The following KIAA1217 variants were observed in gnomAD, a reference collection of about 807,000 sequenced individuals.
KIAA1217 encodes the protein KIAA1217.
Under a neutral mutation model 163.9 loss-of-function variants are expected in KIAA1217, and 88 were observed. The observed-to-expected ratio is 0.54, with a 90% confidence interval of 0.45 to 0.64. The LOEUF (loss-of-function observed/expected upper bound fraction) is 0.64, where lower values mean the gene tolerates loss of function less well. Ranked by LOEUF, KIAA1217 falls within the 30% of genes least tolerant of loss-of-function variation. KIAA1217 has a pLI of 0.00. For missense variants in KIAA1217, 2,372 were observed against 2,475.0 expected (o/e 0.96, Z 0.88); for synonymous variants, 903 against 923.1 (o/e 0.98, Z 0.39).
At chr10:24,159,940 T>C (rs1385564162) in intron 2 of KIAA1217, among the ~76,000 whole-genome samples, 1 of 152,242 alleles carries the variant, frequency 6.6e-6, no homozygotes, top group Non-Finnish European at 1.5e-5. Flanking sequence ...CTAATTGTTC[T>C]AGAACCACTT....
intron 2 of KIAA1217, among the ~76,000 whole-genome samples, chr10:24,009,720 T>C (rs1226131376): frequency 6.6e-6 from 1 of 152,134 alleles, no homozygotes; most frequent in African/African-American, 2.4e-5. Flanking sequence ...AAGCCCAGGA[T>C]TTGAACCGAG....
chr10:24,278,760 CCACT>C (rs916125597), intron 2 of KIAA1217, among the ~76,000 whole-genome samples: 6 of 152,076 alleles, frequency 3.9e-5, no homozygotes, highest in Non-Finnish European at 8.8e-5. Flanking sequence ...CTTCCTTTGG[CCACT>C]CACTTCCTTG....
rs145363706 is a variant in KIAA1217, at chr10:24,502,124, G to A, written c.2001+579G>A. Among the ~76,000 whole-genome samples the A allele has an allele frequency of 3.5e-3, 526 of 151,902 alleles. 2 individuals carry two copies. The highest frequency in any genetic ancestry group is 0.012 in the African/African-American group (501 of 41,422). On this transcript the variant is annotated intron_variant, in intron 9 of 20. Transcript: ENST00000376454. ...GGGCATTTGTTTTTGGAGAAGAGCCGAAAGGAGAGGGGCCACGGGGAGCAT... is the reference window on the plus strand; with the variant it reads ...GGGCATTTGTTTTTGGAGAAGAGCCAAAAGGAGAGGGGCCACGGGGAGCAT...
chr10:23,966,928 C>A (rs1179074962), intron 1 of KIAA1217, among the ~76,000 whole-genome samples: 3 of 152,140 alleles, frequency 2.0e-5, no homozygotes, highest in Non-Finnish European at 4.4e-5. Context: ...AGTATAGAGT[C>A]TTTGGTTTGA....
At chr10:24,445,745 G>A (rs2060877054) in intron 5 of KIAA1217, among the ~76,000 whole-genome samples, 1 of 151,958 alleles carries the variant, frequency 6.6e-6, no homozygotes, top group South Asian at 2.1e-4. Context: ...ATTCCATGGT[G>A]TATATGTGCC....
chr10:23,790,607 A>G (rs940001028), intron 1 of KIAA1217, among the ~76,000 whole-genome samples: 30 of 119,612 alleles, frequency 2.5e-4, no homozygotes, highest in African/African-American at 1.0e-3. Flanking sequence ...ATGTACATAT[A>G]TACATATGTA....
At chr10:24,222,318 G>A (rs1468386899) in intron 2 of KIAA1217, among the ~76,000 whole-genome samples, 4 of 152,098 alleles carry the variant, frequency 2.6e-5, no homozygotes, top group African/African-American at 2.4e-5. Context: ...TTTTGTACTC[G>A]AAGCTGACCA....
intron 1 of KIAA1217, among the ~76,000 whole-genome samples, chr10:23,699,876 G>A (rs1836311766): frequency 6.6e-6 from 1 of 152,184 alleles, no homozygotes; most frequent in African/African-American, 2.4e-5. Context: ...GTTTTAAGAA[G>A]GGAAGGAACC....
In KIAA1217 at chr10:23,818,671, A is replaced by G. The variant is rs559487083; in HGVS notation, c.-321+123437A>G. ...TCCTTAGTGCTTGTTTGATCACAGCACAGGCGACCAGAATCAGCAGGGGAG... is the reference window on the plus strand; with the variant it reads ...TCCTTAGTGCTTGTTTGATCACAGCGCAGGCGACCAGAATCAGCAGGGGAG... On this transcript the variant is annotated intron_variant, in intron 1 of 18. Coordinates refer to the KIAA1217 transcript ENST00000376462. Among the ~76,000 whole-genome samples the G allele has an allele frequency of 1.6e-4, 24 of 152,248 alleles. No individual in the cohort carries two copies. In the South Asian group the frequency reaches 4.6e-3, roughly 29 times the overall value.
Position 24,006,963 on chromosome 10 carries a change from T to C in KIAA1217, c.-320-262T>C, listed in dbSNP as rs73604443. 6.5e-3 allele frequency among the ~76,000 whole-genome samples: 994 copies of C among 152,300 alleles called. 9 individuals carry two copies. The highest frequency in any genetic ancestry group is 0.023 in the African/African-American group (944 of 41,558). ...ACTCTTATTTTCATGGTTGACTTAG[T>C]CGAATGTGTTTACTTTCCTTTATAG... On this transcript the variant is annotated intron_variant, in intron 1 of 18. Transcript: ENST00000376462.
At chr10:24,361,937 C>G (rs557021218) in intron 2 of KIAA1217, among the ~76,000 whole-genome samples, 1 of 131,910 alleles carries the variant, frequency 7.6e-6, no homozygotes, top group South Asian at 2.3e-4. Flanking sequence ...ACTGCAAGAT[C>G]GGGCCACTGC....
intron 2 of KIAA1217, among the ~76,000 whole-genome samples, chr10:24,253,135 G>A (rs1422435507): frequency 6.6e-6 from 1 of 152,226 alleles, no homozygotes; most frequent in Non-Finnish European, 1.5e-5. Flanking sequence ...GGGCTTGTCT[G>A]CTGAAGGACC....
intron 2 of KIAA1217, among the ~76,000 whole-genome samples, chr10:24,233,838 C>T (rs2071795208): frequency 6.6e-6 from 1 of 151,998 alleles, no homozygotes; most frequent in South Asian, 2.1e-4. Flanking sequence ...TAAGGTTGTT[C>T]ACTTCTGAGC....
intron 8 of KIAA1217, among the ~76,000 whole-genome samples, chr10:24,497,843 G>A (rs2067003492): frequency 6.6e-6 from 1 of 151,782 alleles, no homozygotes; most frequent in Admixed American, 6.6e-5. Flanking sequence ...AGGGTGGGAG[G>A]GGATGAGGGA....
chr10:23,709,661 T>A (rs1316207445), intron 1 of KIAA1217, among the ~76,000 whole-genome samples: 1 of 152,238 alleles, frequency 6.6e-6, no homozygotes, highest in Non-Finnish European at 1.5e-5. Context: ...TATGAAACTA[T>A]GAAGACTTGT....
chr10:24,239,858 A>G (rs1335394353), intron 2 of KIAA1217, among the ~76,000 whole-genome samples: 1 of 152,126 alleles, frequency 6.6e-6, no homozygotes, highest in Admixed American at 6.6e-5. Flanking sequence ...GCACTTTTTT[A>G]AAAGTATGTA....
intron 3 of KIAA1217, among the ~76,000 whole-genome samples, chr10:24,421,086 C>T (rs1360795384): frequency 2.6e-5 from 4 of 152,084 alleles, no homozygotes; most frequent in African/African-American, 7.2e-5. Flanking sequence ...CTCGTTGCCA[C>T]CTCATGCCTC....
chr10:23,984,944 G>C (rs530318746), intron 1 of KIAA1217, among the ~76,000 whole-genome samples: 29 of 151,342 alleles, frequency 1.9e-4, no homozygotes, highest in African/African-American at 7.0e-4. Context: ...AAAAAGCCTT[G>C]AATGTTTTCC....
At chr10:24,307,159 G>A (rs1398306906) in intron 2 of KIAA1217, among the ~76,000 whole-genome samples, 1 of 152,158 alleles carries the variant, frequency 6.6e-6, no homozygotes, top group African/African-American at 2.4e-5. Context: ...CAAAATACTG[G>A]ATAGCTTTTA....
Sources: gnomAD v4.1 joint callset for allele counts (sites outside exome capture counted in the v4.1 genomes callset) on GRCh38, gnomAD v4.1.1 for gene constraint, MANE v1.5 for transcripts, NCBI Gene and HGNC (gene_info 2026-07-23, HGNC 2026-07-21) for gene names.